Variants in MARCHF11 observed in about 807,000 individuals in gnomAD.
The protein encoded by MARCHF11 is membrane associated ring-CH-type finger 11.
In MARCHF11, 29 loss-of-function variants were observed where a neutral mutation model predicts 37.3. The ratio of observed to expected loss-of-function variants is 0.78; its 90% CI spans 0.58 to 1.06. MARCHF11 has a LOEUF of 1.06. Among genes scored for constraint, MARCHF11 ranks in the 50% least tolerant of loss-of-function variants. MARCHF11 has a pLI of 0.00. For synonymous variants in MARCHF11, 233 were observed against 228.0 expected, an observed-to-expected ratio of 1.02 and a Z score of -0.20; for missense variants, 482 against 533.4, an observed-to-expected ratio of 0.90 and a Z score of 0.95.
chr5:16,078,976 C>T (rs145191879), intron 3 of MARCHF11, among the ~76,000 whole-genome samples: 49 of 152,274 alleles, frequency 3.2e-4, no homozygotes, highest in African/African-American at 1.1e-3. Context: ...CCACACAAAA[C>T]ACACACACGT....
At chr5:16,169,443 A>C (rs1167627624) in intron 2 of MARCHF11, among the ~76,000 whole-genome samples, 1 of 152,122 alleles carries the variant, frequency 6.6e-6, no homozygotes, top group Non-Finnish European at 1.5e-5. Context: ...CAACTCAAAG[A>C]GGTAAAAACT....
intron 2 of MARCHF11, among the ~76,000 whole-genome samples, chr5:16,093,063 C>T (rs1331972990): frequency 2.6e-5 from 4 of 152,296 alleles, no homozygotes; most frequent in Non-Finnish European, 2.9e-5. Flanking sequence ...TGTCTATACA[C>T]GTTACTTTAC....
chr5:16,132,158 T>A (rs1737528229), intron 2 of MARCHF11, among the ~76,000 whole-genome samples: 1 of 152,248 alleles, frequency 6.6e-6, no homozygotes, highest in Non-Finnish European at 1.5e-5. Context: ...ACAGGTTTAC[T>A]GCCATGTTCA....
At chr5:16,116,726 CATACAAT>C (rs1737231944) in intron 2 of MARCHF11, among the ~76,000 whole-genome samples, 1 of 151,962 alleles carries the variant, frequency 6.6e-6, no homozygotes, top group African/African-American at 2.4e-5. Context: ...AAAGATCTAT[CATACAAT>C]GATGAACAGC....
intron 2 of MARCHF11, among the ~76,000 whole-genome samples, chr5:16,136,266 G>C (rs368914144): frequency 1.3e-5 from 2 of 151,862 alleles, no homozygotes; most frequent in East Asian, 3.9e-4. Flanking sequence ...AATATTCAAG[G>C]GTACATTGGG....
At chr5:16,122,539 T>C (rs1737327983) in intron 2 of MARCHF11, among the ~76,000 whole-genome samples, 1 of 152,214 alleles carries the variant, frequency 6.6e-6, no homozygotes, top group Non-Finnish European at 1.5e-5. Flanking sequence ...CTTTCTTGTC[T>C]CCATGCCCAA....
intron 2 of MARCHF11, among the ~76,000 whole-genome samples, chr5:16,148,155 A>C (rs1737828739): frequency 6.6e-6 from 1 of 152,148 alleles, no homozygotes; most frequent in South Asian, 2.1e-4. Context: ...TATCCATTTA[A>C]TAAATGATCG....
At chr5:16,075,937 T>A (rs1579673661) in intron 3 of MARCHF11, among the ~76,000 whole-genome samples, 1 of 152,196 alleles carries the variant, frequency 6.6e-6, no homozygotes, top group African/African-American at 2.4e-5. Context: ...TGTAGCTGTC[T>A]CCTCCACTGT....
intron 2 of MARCHF11, among the ~76,000 whole-genome samples, chr5:16,137,985 C>T (rs145809303): frequency 5.3e-5 from 8 of 152,120 alleles, no homozygotes; most frequent in South Asian, 4.1e-4. Flanking sequence ...TGTTTAAGAG[C>T]GAAGCAGAGC....
chr5:16,098,163 C>G (rs1328133201), intron 2 of MARCHF11, among the ~76,000 whole-genome samples: 1 of 152,128 alleles, frequency 6.6e-6, no homozygotes, highest in Non-Finnish European at 1.5e-5. Context: ...ACATCCTAAC[C>G]TGAAAAGGGC....
intron 2 of MARCHF11, among the ~76,000 whole-genome samples, chr5:16,168,494 G>A (rs1474462114): frequency 6.6e-5 from 10 of 152,154 alleles, no homozygotes; most frequent in Admixed American, 6.5e-4. Flanking sequence ...AGCGATGGTA[G>A]TATGACTGAG....
chr5:16,096,097 C>T (rs947244298), intron 2 of MARCHF11, among the ~76,000 whole-genome samples: 2 of 152,176 alleles, frequency 1.3e-5, no homozygotes, highest in Non-Finnish European at 2.9e-5. Flanking sequence ...TCTCTGCCTA[C>T]TCTCTCTGCT....
intron 2 of MARCHF11, among the ~76,000 whole-genome samples, chr5:16,174,615 G>A (rs1055458233): frequency 6.6e-6 from 1 of 152,182 alleles, no homozygotes; most frequent in Non-Finnish European, 1.5e-5. Flanking sequence ...AATACAACAC[G>A]GTAATACTTG....
intron 2 of MARCHF11, among the ~76,000 whole-genome samples, chr5:16,175,182 T>C (rs1738334621): frequency 6.6e-6 from 1 of 152,184 alleles, no homozygotes; most frequent in Non-Finnish European, 1.5e-5. Context: ...TCAGGTGATG[T>C]TGCATGCAGA....
chr5:16,146,223 T>C (rs1255615563), intron 2 of MARCHF11, among the ~76,000 whole-genome samples: 5 of 152,198 alleles, frequency 3.3e-5, no homozygotes, highest in Admixed American at 6.5e-5. Flanking sequence ...TCTATTAAAA[T>C]AAAGGAGCAG....
At position 16,155,259 on chromosome 5, in the gene MARCHF11, T is replaced by C. The variant is rs143169581; in HGVS notation, c.693+22467A>G. 4.9e-3 allele frequency among the ~76,000 whole-genome samples: 745 copies of C among 151,866 alleles called. 7 individuals are homozygous for C. The highest frequency in any genetic ancestry group is 0.017 in the African/African-American group (701 of 41,454). ...GAAATGCTATAAACACAGAAACATATGTATATACATGTAAATGTATTTTTC... is the reference window on the plus strand; with the variant it reads ...GAAATGCTATAAACACAGAAACATACGTATATACATGTAAATGTATTTTTC... On this transcript the variant is annotated intron_variant, in intron 2 of 3. Coordinates refer to ENST00000332432, the MANE Select transcript of MARCHF11 (RefSeq NM_001102562.3).
intron 2 of MARCHF11, among the ~76,000 whole-genome samples, chr5:16,096,381 G>A (rs370840687): frequency 2.6e-5 from 4 of 152,272 alleles, no homozygotes; most frequent in African/African-American, 9.6e-5. Context: ...GAAATTTTGG[G>A]AGAAATTAAA....
chr5:16,179,249 G>A lies in MARCHF11; in HGVS notation c.327C>T (p.Leu109=). 7.4e-7 allele frequency: 1 copy of A among 1,344,198 alleles called. No individual in the cohort carries two copies. The highest frequency in any genetic ancestry group is 1.8e-5 in the South Asian group (1 of 56,208). The allele number at this position is 1,344,198 out of a possible 1,614,324, so 83.3% of individuals were successfully genotyped here. ...AGDSGEGPRR[L]PEAAAAKGGP... The stretch of plus-strand genomic sequence containing the variant: ...CGCCTTTCGCTGCTGCCGCCTCCGG[G>A]AGGCGCCTCGGACCTTCCCCGGAGT... The change falls in exon 1 of 4, where the codon CTC becomes CTT. Residue 109 remains leucine, a synonymous_variant. Transcript: ENST00000332432.
intron 2 of MARCHF11, among the ~76,000 whole-genome samples, chr5:16,172,256 C>T (rs569243361): frequency 3.3e-5 from 5 of 152,198 alleles, no homozygotes; most frequent in East Asian, 1.9e-4. Flanking sequence ...GAGTAAAATA[C>T]GGATTCTTAT....
Sources: gnomAD v4.1 joint callset for allele counts (sites outside exome capture counted in the v4.1 genomes callset) on GRCh38, gnomAD v4.1.1 for gene constraint, MANE v1.5 for transcripts, NCBI Gene and HGNC (gene_info 2026-07-23, HGNC 2026-07-21) for gene names.